The following TTLL5 variants were observed in gnomAD, a reference collection of about 807,000 sequenced individuals.
TTLL5 encodes the protein tubulin tyrosine ligase like 5.
Under a neutral mutation model 168.4 loss-of-function variants are expected in TTLL5, and 132 were observed. That is an observed-to-expected ratio of 0.78 (90% CI 0.68 to 0.91). TTLL5 has a LOEUF of 0.91. TTLL5 is among the 40% of genes least tolerant of loss of function. The pLI is 0.00. For missense variants in TTLL5, 1,545 were observed against 1,581.5 expected, an observed-to-expected ratio of 0.98 and a Z score of 0.39; for synonymous variants, 546 against 558.6, an observed-to-expected ratio of 0.98 and a Z score of 0.32.
chr14:75,804,001 G>A (rs905094746), intron 27 of TTLL5, among the ~76,000 whole-genome samples: 5 of 152,184 alleles, frequency 3.3e-5, no homozygotes, highest in African/African-American at 1.2e-4. Context: ...TTTAATCAAA[G>A]GGATAACAGC....
intron 15 of TTLL5, among the ~76,000 whole-genome samples, chr14:75,740,792 TTAGATGGTA>T (rs1379358199): frequency 2.0e-5 from 3 of 152,200 alleles, no homozygotes; most frequent in African/African-American, 7.2e-5. Context: ...CTGTTGTTTT[TTAGATGGTA>T]AAATGTATCA....
chr14:75,839,508 C>T (rs1395234560), intron 28 of TTLL5, among the ~76,000 whole-genome samples: 3 of 152,138 alleles, frequency 2.0e-5, no homozygotes, highest in Non-Finnish European at 4.4e-5. Context: ...GGGGAGGCTT[C>T]AGGAAACTTA....
Position 75,863,727 on chromosome 14 carries a change from G to T in TTLL5, c.3387G>T (p.Gln1129His), listed in dbSNP as rs1287919703. The T allele has an allele frequency of 6.2e-7, 1 of 1,613,424 alleles. No individual in the cohort carries two copies. The highest frequency in any genetic ancestry group is 1.7e-5 in the Admixed American group (1 of 59,968). Residue 1129 changes from glutamine (Q) to histidine (H), a missense_variant, in exon 29 of 32, where the codon CAG becomes CAT. Physicochemically the swap from Gln to His is conservative, Grantham distance 24 (BLOSUM62 0). Coordinates refer to ENST00000298832, the MANE Select transcript of TTLL5 (RefSeq NM_015072.5). ...EGEVENNVYS[Q>H]ATGVVPQHKY... ...AAGTAGAAAACAACGTGTACAGCCA[G>T]GCTACAGGGGTGGTCCCCCAGCACA...
chr14:75,761,248 GAACT>G (rs1890627563), intron 18 of TTLL5, among the ~76,000 whole-genome samples: 1 of 152,044 alleles, frequency 6.6e-6, no homozygotes, highest in African/African-American at 2.4e-5. Context: ...TAAGGATGTG[GAACT>G]AACAGAACTG....
At chr14:75,892,329 A>G (rs1267756593) in intron 30 of TTLL5, among the ~76,000 whole-genome samples, 1 of 152,156 alleles carries the variant, frequency 6.6e-6, no homozygotes, top group Non-Finnish European at 1.5e-5. Flanking sequence ...CCCAAAATAT[A>G]CCAAAATAAA....
At chr14:75,775,723 C>G in intron 22 of TTLL5, 93 bp downstream of exon 22, 1 of 1,463,778 alleles carries the variant, frequency 6.8e-7, no homozygotes, top group Non-Finnish European at 9.2e-7. Flanking sequence ...GATGGAGACA[C>G]TCTTCTTCTG....
At chr14:75,666,353 G>A (rs1356521483) in intron 2 of TTLL5, among the ~76,000 whole-genome samples, 1 of 152,152 alleles carries the variant, frequency 6.6e-6, no homozygotes, top group Non-Finnish European at 1.5e-5. Flanking sequence ...TGTTTTGCAT[G>A]GTATTATTTC....
At chr14:75,886,227 A>G (rs2032113477) in intron 30 of TTLL5, among the ~76,000 whole-genome samples, 1 of 152,208 alleles carries the variant, frequency 6.6e-6, no homozygotes, top group Admixed American at 6.5e-5. Context: ...TCCACATCCT[A>G]GAGGGTTGAG....
intron 30 of TTLL5, among the ~76,000 whole-genome samples, chr14:75,889,337 G>A (rs1266154822): frequency 6.6e-6 from 1 of 152,154 alleles, no homozygotes; most frequent in Non-Finnish European, 1.5e-5. Context: ...ATAATAGTCA[G>A]TAGTATAGGC....
intron 29 of TTLL5, among the ~76,000 whole-genome samples, chr14:75,870,393 C>T (rs1384611753): frequency 6.6e-6 from 1 of 152,050 alleles, no homozygotes; most frequent in Non-Finnish European, 1.5e-5. Flanking sequence ...CAGGCGTGAG[C>T]CACCACGCCC....
intron 18 of TTLL5, among the ~76,000 whole-genome samples, chr14:75,756,365 G>T (rs1483139991): frequency 6.6e-6 from 1 of 152,174 alleles, no homozygotes; most frequent in Non-Finnish European, 1.5e-5. Flanking sequence ...GGTATGGGTA[G>T]TTATAAAAGG....
chr14:75,719,799 C>T lies in TTLL5; in HGVS notation c.907C>T (p.Leu303=), dbSNP rs1887727109. The T allele has an allele frequency of 1.2e-6, 2 of 1,613,818 alleles. No individual in the cohort carries two copies. The highest frequency in any genetic ancestry group is 1.7e-6 in the Non-Finnish European group (2 of 1,179,908). The change falls in exon 11 of 32, where the codon CTG becomes TTG. Residue 303 remains leucine, a synonymous_variant. Transcript: ENST00000298832. The part of the protein sequence containing the change: ...KWSMSAMLRY[L]KQEGRDTTAL... ...GAGCATGAGTGCTATGCTTAGGTAC[C>T]TGAAACAAGAAGGCAGAGATACAAC...
intron 30 of TTLL5, among the ~76,000 whole-genome samples, chr14:75,898,101 T>G (rs1014730381): frequency 3.3e-5 from 5 of 152,346 alleles, no homozygotes; most frequent in Admixed American, 6.5e-5. Flanking sequence ...TAGCCACTTC[T>G]TTATATTCTG....
At chr14:75,902,922 T>G (rs1376241014) in intron 31 of TTLL5, among the ~76,000 whole-genome samples, 1 of 152,214 alleles carries the variant, frequency 6.6e-6, no homozygotes, top group Non-Finnish European at 1.5e-5. Context: ...CAGTCTGCTC[T>G]TAGGGAACTT....
intron 30 of TTLL5, among the ~76,000 whole-genome samples, chr14:75,897,283 C>A (rs2032710284): frequency 6.6e-6 from 1 of 152,086 alleles, no homozygotes; most frequent in African/African-American, 2.4e-5. Context: ...CTTTAGCTGC[C>A]AGCTGTGAAC....
At chr14:75,870,205 A>G (rs995710852) in intron 29 of TTLL5, among the ~76,000 whole-genome samples, 2 of 151,514 alleles carry the variant, frequency 1.3e-5, no homozygotes, top group Non-Finnish European at 2.9e-5. Flanking sequence ...CATAAGCACC[A>G]TCTCAAAAGA....
At chr14:75,712,235 G>C (rs1468245041) in intron 9 of TTLL5, 1 of 151,978 alleles carries the variant, frequency 6.6e-6, no homozygotes, top group Non-Finnish European at 1.5e-5. Context: ...ATGAAACCCA[G>C]TGGCTCCTGG....
intron 30 of TTLL5, among the ~76,000 whole-genome samples, chr14:75,893,090 A>T (rs950205000): frequency 2.0e-5 from 3 of 152,252 alleles, no homozygotes; most frequent in African/African-American, 7.2e-5. Flanking sequence ...TTCTTTACAG[A>T]TAAATTAATA....
intron 27 of TTLL5, among the ~76,000 whole-genome samples, chr14:75,807,399 C>T (rs1031326772): frequency 6.6e-6 from 1 of 152,166 alleles, no homozygotes; most frequent in African/African-American, 2.4e-5. Flanking sequence ...CATAACTGCA[C>T]CACTGCACTC....
Sources: gnomAD v4.1 joint callset for allele counts (sites outside exome capture counted in the v4.1 genomes callset) on GRCh38, gnomAD v4.1.1 for gene constraint, MANE v1.5 for transcripts, NCBI Gene and HGNC (gene_info 2026-07-23, HGNC 2026-07-21) for gene names.